Variants in DLG2 observed in about 807,000 individuals in gnomAD.
The protein encoded by DLG2 is disks large homolog 2.
In DLG2, 45 loss-of-function variants were observed where a neutral mutation model predicts 132.5. The observed-to-expected ratio is 0.34, with a 90% CI of 0.27 to 0.44. The LOEUF (loss-of-function observed/expected upper bound fraction) is 0.44. Ranked by LOEUF, DLG2 falls within the 20% of genes least tolerant of loss-of-function variation. The probability of loss-of-function intolerance (pLI) is 1.00; values close to 1 mark genes in which losing one functional copy is unlikely to be tolerated. For missense variants in DLG2, 1,045 were observed against 1,196.9 expected, an observed-to-expected ratio of 0.87 and a Z score of 1.87; for synonymous variants, 424 against 419.6, an observed-to-expected ratio of 1.01 and a Z score of -0.13.
In DLG2 at chr11:84,392,619, C is replaced by T. The variant is rs188669279; in HGVS notation, c.520-141328G>A. Among the ~76,000 whole-genome samples the T allele has an allele frequency of 1.1e-3, 166 of 152,246 alleles. 2 individuals carry two copies. The highest frequency in any genetic ancestry group is 3.9e-3 in the African/African-American group (163 of 41,560). On this transcript the variant is annotated intron_variant, in intron 7 of 27. Coordinates refer to ENST00000376104, the MANE Select transcript of DLG2 (RefSeq NM_001142699.3). Reference sequence around the variant, plus strand: ...TATTGAACACTTACTATGTATCAGACGTTGTTTTTGGCAGTTTACATGTAA... The same window carrying T: ...TATTGAACACTTACTATGTATCAGATGTTGTTTTTGGCAGTTTACATGTAA...
At chr11:84,045,146 C>T (rs2096212363) in intron 11 of DLG2, among the ~76,000 whole-genome samples, 1 of 151,772 alleles carries the variant, frequency 6.6e-6, no homozygotes, top group South Asian at 2.1e-4. Flanking sequence ...TCCCTAAGGA[C>T]ATTATTTTTA....
chr11:83,526,172 G>C (rs1442510196), intron 21 of DLG2, among the ~76,000 whole-genome samples: 1 of 152,142 alleles, frequency 6.6e-6, no homozygotes. Context: ...GTAAGGCTTT[G>C]GAAAAGGAAA....
At chr11:83,830,497 A>G (rs1466900868) in intron 17 of DLG2, among the ~76,000 whole-genome samples, 2 of 152,220 alleles carry the variant, frequency 1.3e-5, no homozygotes, top group African/African-American at 4.8e-5. Flanking sequence ...TTTATCCTTA[A>G]TATGAACATA....
chr11:83,914,380 CTT>C (rs1295707704), intron 15 of DLG2, among the ~76,000 whole-genome samples: 1 of 152,146 alleles, frequency 6.6e-6, no homozygotes, highest in Non-Finnish European at 1.5e-5. Context: ...AAATAAACCT[CTT>C]TTCTTATAAA....
At position 83,456,855 on chromosome 11, in the gene DLG2, C is replaced by T. The variant is rs1204819761; in HGVS notation, c.*2963G>A. 1.8e-4 allele frequency: 27 copies of T among 152,268 alleles called. No individual in the cohort carries two copies. Among genetic ancestry groups the T allele is most frequent in the Admixed American group, 1.8e-3 (27 of 15,282 alleles). The allele number at this position is 152,268 out of a possible 1,614,324, so 9.4% of individuals were successfully genotyped here. A position where few individuals can be genotyped will look rare whatever the true frequency, so the allele number is the denominator to read the frequency against. On this transcript the variant is annotated 3_prime_UTR_variant, in exon 28 of 28. Coordinates refer to ENST00000376104, the MANE Select transcript of DLG2 (RefSeq NM_001142699.3). ...TGTGAAGACAGGCTCTTTAAGCAGA[C>T]AGAGCCAACCCAAGAATTTGGGGCT...
At chr11:84,267,505 CT>C (rs1408378482) in intron 7 of DLG2, among the ~76,000 whole-genome samples, 1 of 152,188 alleles carries the variant, frequency 6.6e-6, no homozygotes, top group East Asian at 1.9e-4. Context: ...TAACTGGCCC[CT>C]ATCTTAAAGT....
chr11:84,911,873 T>C (rs2092090758), intron 6 of DLG2, among the ~76,000 whole-genome samples: 1 of 152,194 alleles, frequency 6.6e-6, no homozygotes, highest in African/African-American at 2.4e-5. Context: ...ATTTAGATGA[T>C]TACTATTGTA....
chr11:84,062,904 T>C (rs1259257918), intron 10 of DLG2, among the ~76,000 whole-genome samples: 2 of 152,114 alleles, frequency 1.3e-5, no homozygotes, highest in East Asian at 1.9e-4. Flanking sequence ...TAAAATTAAT[T>C]TGCTCTCTTT....
intron 6 of DLG2, among the ~76,000 whole-genome samples, chr11:85,059,233 T>A (rs966469331): frequency 7.9e-5 from 12 of 151,160 alleles, no homozygotes; most frequent in African/African-American, 2.9e-4. Flanking sequence ...AAAATTGAAA[T>A]TACAATATTT....
chr11:83,852,913 C>T (rs1051381946), intron 16 of DLG2, among the ~76,000 whole-genome samples: 2 of 152,208 alleles, frequency 1.3e-5, no homozygotes, highest in African/African-American at 4.8e-5. Context: ...TACCCAGACT[C>T]CTGCCCTTAG....
In DLG2 at chr11:85,457,595, T is replaced by C. The variant is rs568049540; in HGVS notation, c.40+141062A>G. On this transcript the variant is annotated intron_variant, in intron 3 of 27. Transcript: ENST00000376104. ...TGGTAATGGTCTTTCTTTTCCATAT[T>C]TAGCACTCCTTTCAGGACCTATTGT... Among the ~76,000 whole-genome samples the C allele has an allele frequency of 1.5e-3, 233 of 152,340 alleles. 2 individuals carry two copies. The highest frequency in any genetic ancestry group is 2.0e-3 in the Non-Finnish European group (138 of 68,030).
At chr11:84,365,553 G>A (rs959031215) in intron 7 of DLG2, among the ~76,000 whole-genome samples, 41 of 151,878 alleles carry the variant, frequency 2.7e-4, no homozygotes, top group African/African-American at 9.9e-4. Flanking sequence ...CCTTCTGCTA[G>A]CTTTTGAATG....
intron 6 of DLG2, among the ~76,000 whole-genome samples, chr11:84,844,123 GTGTGTGTGTGTGTATATATATA>G (rs1444327022): frequency 7.9e-5 from 2 of 25,164 alleles, no homozygotes; most frequent in South Asian, 2.8e-3. Context: ...GTGTGTGTGT[GTGTGTGTGTGTGTATATATATA>G]TATATATATA....
intron 6 of DLG2, among the ~76,000 whole-genome samples, chr11:84,811,699 T>C (rs1053576740): frequency 2.0e-5 from 3 of 152,184 alleles, no homozygotes; most frequent in Non-Finnish European, 2.9e-5. Flanking sequence ...ATTCATTCAC[T>C]TATTTATATA....
intron 10 of DLG2, among the ~76,000 whole-genome samples, chr11:84,090,675 AT>A (rs1202643334): frequency 1.3e-5 from 2 of 152,198 alleles, no homozygotes; most frequent in African/African-American, 4.8e-5. Context: ...TAAAAGTAAA[AT>A]TTGGTAGAAT....
At chr11:84,116,169 A>G (rs2093624457) in intron 9 of DLG2, among the ~76,000 whole-genome samples, 3 of 152,174 alleles carry the variant, frequency 2.0e-5, no homozygotes, top group Non-Finnish European at 4.4e-5. Context: ...TTATTTATTA[A>G]GTGTGTGACC....
chr11:83,862,237 A>G (rs990804110), intron 16 of DLG2, among the ~76,000 whole-genome samples: 1 of 152,162 alleles, frequency 6.6e-6, no homozygotes, highest in African/African-American at 2.4e-5. Flanking sequence ...TGGTACAAAT[A>G]CACAATGCAC....
intron 6 of DLG2, among the ~76,000 whole-genome samples, chr11:84,571,172 G>A (rs1275412899): frequency 6.6e-6 from 1 of 152,074 alleles, no homozygotes; most frequent in Non-Finnish European, 1.5e-5. Flanking sequence ...GAGGTATGCT[G>A]TTTCTTATTT....
chr11:85,354,762 CAT>C (rs1222896106), intron 3 of DLG2, among the ~76,000 whole-genome samples: 2 of 151,834 alleles, frequency 1.3e-5, no homozygotes, highest in African/African-American at 4.8e-5. Flanking sequence ...CACACACACA[CAT>C]ACACGCATGT....
Sources: gnomAD v4.1 joint callset for allele counts (sites outside exome capture counted in the v4.1 genomes callset) on GRCh38, gnomAD v4.1.1 for gene constraint, MANE v1.5 for transcripts, NCBI Gene and HGNC (gene_info 2026-07-23, HGNC 2026-07-21) for gene names.